The following KIF13B variants were observed in gnomAD, a reference collection of about 807,000 sequenced individuals.
The protein encoded by KIF13B is kinesin-like protein KIF13B.
In KIF13B, 127 loss-of-function variants were observed where a neutral mutation model predicts 222.0. The observed-to-expected ratio is 0.57, with a 90% CI of 0.50 to 0.66. The LOEUF (loss-of-function observed/expected upper bound fraction) is 0.66. KIF13B is among the 30% of genes least tolerant of loss of function. KIF13B has a pLI of 0.00. For missense variants in KIF13B, 2,173 were observed against 2,379.0 expected (o/e 0.91, Z 1.80); for synonymous variants, 976 against 919.0 (o/e 1.06, Z -1.12).
chr8:29,079,091 T>C (rs746679301), intron 37 of KIF13B, among the ~76,000 whole-genome samples: 1 of 152,172 alleles, frequency 6.6e-6, no homozygotes, highest in East Asian at 1.9e-4. Context: ...ACATGACATA[T>C]ACAATCTCCA....
In KIF13B at chr8:29,150,406, G is replaced by T. The variant is rs754812228; in HGVS notation, c.1536-23C>A. 9.3e-6 allele frequency: 11 copies of T among 1,182,450 alleles called. No homozygotes were observed. The South Asian group carries it at 1.4e-4, about 15-fold the overall frequency. 73.2% of individuals were successfully genotyped at this position (1,182,450 alleles called of 1,614,324 possible). On this transcript the variant is annotated intron_variant, in intron 14 of 39. Coordinates refer to ENST00000524189, the MANE Select transcript of KIF13B (RefSeq NM_015254.4). ...GTTCTGTAAGGAGAAGAGATCAAAC[G>T]TGAATGATGAGTACAGTATCATGTC...
intron 26 of KIF13B, among the ~76,000 whole-genome samples, chr8:29,124,985 G>A (rs924221697): frequency 2.6e-5 from 4 of 152,118 alleles, no homozygotes; most frequent in African/African-American, 9.7e-5. Flanking sequence ...GAGAGGCAGA[G>A]GTTGCAATGA....
intron 2 of KIF13B, among the ~76,000 whole-genome samples, chr8:29,198,482 C>T (rs1010914159): frequency 8.6e-5 from 13 of 152,002 alleles, no homozygotes; most frequent in Non-Finnish European, 7.4e-5. Flanking sequence ...CCACCACGCC[C>T]GGCTAATTTT....
Position 29,072,255 on chromosome 8 carries a change from A to G in KIF13B, c.4583T>C (p.Ile1528Thr). 1 of 1,471,636 alleles carries G rather than the reference A, an allele frequency of 6.8e-7. No individual in the cohort carries two copies. Among genetic ancestry groups the G allele is most frequent in the Non-Finnish European group, 9.0e-7 (1 of 1,112,626 alleles). 91.2% of individuals were successfully genotyped at this position (1,471,636 alleles called of 1,614,324 possible). A position where few individuals can be genotyped will look rare whatever the true frequency, so the allele number is the denominator to read the frequency against. Residue 1528 changes from isoleucine (I) to threonine (T), a missense_variant, in exon 39 of 40, where the codon ATC (isoleucine) becomes ACC (threonine). Ile to Thr is a moderately conservative substitution (Grantham distance 89). Around this residue, in one of 2 missense-constraint regions of KIF13B, gnomAD observed 693 missense variants for 656.2 expected, o/e 1.06. Transcript: ENST00000524189. ...VQTMGAPALK[I>T]CDKPAKVPSP... ...AGGCACTTTGGCAGGTTTGTCGCAGATCTTCAAGGCCGGGGCCCCCATCGT... is the reference window on the plus strand; with the variant it reads ...AGGCACTTTGGCAGGTTTGTCGCAGGTCTTCAAGGCCGGGGCCCCCATCGT...
Position 29,092,753 on chromosome 8 carries a change from C to T in KIF13B, c.4450G>A (p.Ala1484Thr), listed in dbSNP as rs561619897. The change falls in exon 37 of 40, where the codon GCA becomes ACA. Residue 1484 changes from alanine (A) to threonine (T), a missense_variant. By Grantham distance (58) the Ala-to-Thr change is moderately conservative. Coordinates refer to ENST00000524189, the MANE Select transcript of KIF13B (RefSeq NM_015254.4). Reference sequence around the variant, plus strand: ...TTCTCGGTGCTTTTTACCTGGTGTGCGAGGGGAGACGGCCGCTTGCCCCTC... The same window carrying T: ...TTCTCGGTGCTTTTTACCTGGTGTGTGAGGGGAGACGGCCGCTTGCCCCTC... Reference protein sequence around the residue: ...EKRGKRPSPLAHQPVPRIMVQ... With the variant: ...EKRGKRPSPLTHQPVPRIMVQ... 3.4e-5 allele frequency: 55 copies of T among 1,610,886 alleles called. 1 individual carries two copies. Among genetic ancestry groups the T allele is most frequent in the South Asian group, 3.0e-4 (27 of 90,584 alleles).
intron 2 of KIF13B, among the ~76,000 whole-genome samples, chr8:29,200,632 T>C (rs1813652616): frequency 6.6e-6 from 1 of 152,210 alleles, no homozygotes; most frequent in Non-Finnish European, 1.5e-5. Context: ...ACACAGTTTA[T>C]TAAATAACCT....
intron 35 of KIF13B, among the ~76,000 whole-genome samples, chr8:29,102,857 T>C (rs1348107435): frequency 6.6e-6 from 1 of 152,136 alleles, no homozygotes; most frequent in South Asian, 2.1e-4. Context: ...TAATCTTAAT[T>C]TCCTCAAAAA....
At chr8:29,224,714 A>G (rs1315094046) in intron 2 of KIF13B, among the ~76,000 whole-genome samples, 1 of 149,834 alleles carries the variant, frequency 6.7e-6, no homozygotes, top group Non-Finnish European at 1.5e-5. Flanking sequence ...TAGAGCATGC[A>G]TCCTTGATTA....
At chr8:29,134,623 A>G (rs1257600224) in intron 21 of KIF13B, among the ~76,000 whole-genome samples, 1 of 152,220 alleles carries the variant, frequency 6.6e-6, no homozygotes, top group African/African-American at 2.4e-5. Context: ...GAAGAACAAA[A>G]TCGGTGTATG....
intron 38 of KIF13B, among the ~76,000 whole-genome samples, chr8:29,072,969 G>A (rs1249047329): frequency 1.3e-5 from 2 of 151,836 alleles, no homozygotes; most frequent in Non-Finnish European, 2.9e-5. Context: ...CTCATCGGAG[G>A]ACCGGAACAC....
At chr8:29,201,571 A>T (rs1489443703) in intron 2 of KIF13B, among the ~76,000 whole-genome samples, 1 of 152,228 alleles carries the variant, frequency 6.6e-6, no homozygotes, top group African/African-American at 2.4e-5. Context: ...GGAAAGTTAT[A>T]GATCATTTAC....
chr8:29,100,667 C>G (rs2133576625), intron 35 of KIF13B, among the ~76,000 whole-genome samples: 1 of 152,134 alleles, frequency 6.6e-6, no homozygotes, highest in African/African-American at 2.4e-5. Flanking sequence ...TCAGACTGGT[C>G]TCGAACTCCT....
intron 2 of KIF13B, among the ~76,000 whole-genome samples, chr8:29,208,243 A>G (rs754645401): frequency 1.5e-4 from 23 of 152,224 alleles, no homozygotes; most frequent in Non-Finnish European, 7.3e-5. Context: ...CTCACCTACC[A>G]TATCACCTAC....
chr8:29,076,651 T>C (rs964932825), intron 37 of KIF13B, among the ~76,000 whole-genome samples: 1 of 152,212 alleles, frequency 6.6e-6, no homozygotes, highest in African/African-American at 2.4e-5. Flanking sequence ...TAGCCTCGCT[T>C]CACCTGAGGG....
intron 3 of KIF13B, 77 bp downstream of exon 3, chr8:29,196,110 A>C: frequency 8.3e-7 from 1 of 1,208,016 alleles, no homozygotes; most frequent in Non-Finnish European, 1.2e-6. Flanking sequence ...TTCCTTTTTG[A>C]GAAGAAAACT....
intron 7 of KIF13B, among the ~76,000 whole-genome samples, chr8:29,180,576 G>A (rs375698668): frequency 7.0e-4 from 106 of 152,202 alleles, no homozygotes; most frequent in African/African-American, 2.5e-3. Context: ...TAATACAGAA[G>A]CAATACAAAT....
At chr8:29,110,972 C>T (rs928404798) in intron 32 of KIF13B, among the ~76,000 whole-genome samples, 1 of 152,126 alleles carries the variant, frequency 6.6e-6, no homozygotes, top group Non-Finnish European at 1.5e-5. Context: ...GGAAAACAAA[C>T]TCTGTTAATT....
chr8:29,073,323 G>A (rs1229552596), intron 38 of KIF13B, among the ~76,000 whole-genome samples: 1 of 152,156 alleles, frequency 6.6e-6, no homozygotes, highest in African/African-American at 2.4e-5. Flanking sequence ...ACCAAGTGAG[G>A]CCAGCAGCTC....
intron 36 of KIF13B, among the ~76,000 whole-genome samples, chr8:29,096,918 C>T (rs1808559225): frequency 1.3e-5 from 2 of 151,694 alleles, no homozygotes; most frequent in Non-Finnish European, 2.9e-5. Context: ...TACAGTGAAA[C>T]AAAAAACAGA....
Sources: gnomAD v4.1 joint callset for allele counts (sites outside exome capture counted in the v4.1 genomes callset) on GRCh38, gnomAD v4.1.1 for gene constraint, gnomAD v4.1.1 regional missense constraint, MANE v1.5 for transcripts, NCBI Gene and HGNC (gene_info 2026-07-23, HGNC 2026-07-21) for gene names.